SLC15A2: variants seen among roughly 807,000 people sequenced by gnomAD.
SLC15A2 encodes solute carrier family 15 member 2, also known as kidney H(+)/peptide cotransporter.
SLC15A2 carries 77 observed loss-of-function variants against 95.5 expected under a neutral mutation model. That is an observed-to-expected ratio of 0.81 (90% CI 0.67 to 0.97). SLC15A2 has a LOEUF of 0.97. Among genes scored for constraint, SLC15A2 ranks in the 50% least tolerant of loss-of-function variants. The pLI, the probability that SLC15A2 is intolerant of heterozygous loss-of-function variation, is 0.00. For missense variants in SLC15A2, 893 were observed against 874.4 expected (o/e 1.02, Z -0.27); for synonymous variants, 306 against 306.9 (o/e 1.00, Z 0.03).
intron 12 of SLC15A2, 131 bp downstream of exon 12, chr3:121,924,514 T>A: frequency 1.2e-6 from 1 of 853,842 alleles, no homozygotes; most frequent in South Asian, 1.5e-5. Flanking sequence ...AGCTTCGACA[T>A]GAAAACATTC....
At chr3:121,931,849 A>G (rs966735971) in intron 19 of SLC15A2, 114 bp downstream of exon 19, 1 of 629,200 alleles carries the variant, frequency 1.6e-6, no homozygotes, top group Admixed American at 2.8e-5. Context: ...GCAGACACGT[A>G]TATTTATTTC....
chr3:121,920,140 T>C (rs1363851436), intron 7 of SLC15A2, among the ~76,000 whole-genome samples: 2 of 152,358 alleles, frequency 1.3e-5, no homozygotes, highest in East Asian at 3.9e-4. Flanking sequence ...ATGACTTTAG[T>C]TGATTACATA....
At chr3:121,930,152 A>C (rs1298263230) in intron 17 of SLC15A2, among the ~76,000 whole-genome samples, 1 of 152,244 alleles carries the variant, frequency 6.6e-6, no homozygotes, top group African/African-American at 2.4e-5. Context: ...CTAGGAATCA[A>C]CATTCAGGAC....
intron 19 of SLC15A2, 73 bp downstream of exon 19, chr3:121,931,808 C>G (rs191899710): frequency 1.7e-5 from 15 of 869,988 alleles, no homozygotes; most frequent in Admixed American, 1.0e-4. Context: ...TAGGCAGGGG[C>G]AGAAAACAAA....
chr3:121,897,730 A>G (rs1244377350), intron 3 of SLC15A2, among the ~76,000 whole-genome samples: 5 of 152,170 alleles, frequency 3.3e-5, no homozygotes, highest in Admixed American at 2.0e-4. Flanking sequence ...TTCATTATCA[A>G]TTTTTCCAAT....
At chr3:121,939,807 G>A (rs1351027871) in intron 20 of SLC15A2, among the ~76,000 whole-genome samples, 2 of 151,982 alleles carry the variant, frequency 1.3e-5, no homozygotes, top group Non-Finnish European at 2.9e-5. Context: ...TACTATCTCT[G>A]TAATGCTGTC....
At chr3:121,929,200 G>C in intron 16 of SLC15A2, 54 bp downstream of exon 16, 6 of 1,601,688 alleles carry the variant, frequency 3.7e-6, no homozygotes, top group Non-Finnish European at 5.1e-6. Context: ...TAATATGACT[G>C]TCTCATCAAC....
intron 3 of SLC15A2, among the ~76,000 whole-genome samples, chr3:121,903,086 G>A (rs1434031266): frequency 1.3e-5 from 2 of 152,200 alleles, no homozygotes; most frequent in African/African-American, 4.8e-5. Context: ...GTTTTGATTT[G>A]CATTTCTTTG....
chr3:121,910,829 G>T (rs1002031070), intron 3 of SLC15A2, among the ~76,000 whole-genome samples: 2 of 152,144 alleles, frequency 1.3e-5, no homozygotes, highest in Non-Finnish European at 2.9e-5. Flanking sequence ...GTTCTTACTG[G>T]AGTTCCTTAT....
At chr3:121,904,305 T>G (rs1239954603) in intron 3 of SLC15A2, among the ~76,000 whole-genome samples, 2 of 152,062 alleles carry the variant, frequency 1.3e-5, no homozygotes, top group East Asian at 3.9e-4. Flanking sequence ...AACAGGGACA[T>G]TTTGACTTCC....
intron 4 of SLC15A2, 149 bp downstream of exon 4, chr3:121,911,815 A>G: frequency 1.6e-6 from 1 of 627,390 alleles, no homozygotes; most frequent in South Asian, 1.9e-5. Context: ...GACCAGTTGA[A>G]CTCTTTCCTA....
chr3:121,911,609 G>A lies in SLC15A2; in HGVS notation c.371G>A (p.Gly124Asp). Reference protein sequence around the residue: ...IIYLSLVYVLGHVIKSLGALP... With the variant: ...IIYLSLVYVLDHVIKSLGALP... ...TATCTCTCCTTGGTGTATGTGCTTGGCCATGTGATCAAGTCCTTGGGTGCC... is the reference window on the plus strand; with the variant it reads ...TATCTCTCCTTGGTGTATGTGCTTGACCATGTGATCAAGTCCTTGGGTGCC... Residue 124 changes from glycine to aspartate, a missense_variant, in exon 4 of 22, where the codon GGC becomes GAC. Transcript: ENST00000489711. 1 of 1,614,050 alleles carries A rather than the reference G, an allele frequency of 6.2e-7. No individual in the cohort carries two copies. Among genetic ancestry groups the A allele is most frequent in the Non-Finnish European group, 8.5e-7 (1 of 1,179,936 alleles).
intron 5 of SLC15A2, 164 bp from the exon 6 acceptor site, chr3:121,915,063 C>A: frequency 8.3e-7 from 1 of 1,210,590 alleles, no homozygotes; most frequent in Non-Finnish European, 1.1e-6. Flanking sequence ...TTGGGGTCAG[C>A]CAGCAATGTT....
At chr3:121,913,223 G>T (rs1007522825) in intron 5 of SLC15A2, 103 bp downstream of exon 5, 5 of 808,226 alleles carry the variant, frequency 6.2e-6, no homozygotes, top group Non-Finnish European at 1.0e-5. Context: ...GTACTGGTCA[G>T]ATCTTATCTG....
intron 17 of SLC15A2, among the ~76,000 whole-genome samples, chr3:121,929,559 G>T (rs182285156): frequency 3.3e-5 from 5 of 152,180 alleles, no homozygotes; most frequent in Non-Finnish European, 5.9e-5. Flanking sequence ...ATCTGTGTAT[G>T]CCCCCTGTAC....
At chr3:121,928,238 A>G in intron 14 of SLC15A2, 183 bp from the exon 15 acceptor site, 1 of 654,028 alleles carries the variant, frequency 1.5e-6, no homozygotes, top group African/African-American at 1.8e-5. Flanking sequence ...ACTTGCTACA[A>G]TGAGCTGATG....
chr3:121,925,182 G>T (rs2250065), intron 13 of SLC15A2, 149 bp downstream of exon 13: 280,104 of 640,738 alleles, frequency 0.44, 64,918 homozygotes, highest in East Asian at 0.72. Flanking sequence ...TAGACTAACT[G>T]CCTATTGACC....
chr3:121,926,986 T>C (rs1005612385), intron 13 of SLC15A2, among the ~76,000 whole-genome samples: 1 of 152,246 alleles, frequency 6.6e-6, no homozygotes, highest in African/African-American at 2.4e-5. Context: ...CTGTAGCCCA[T>C]TTGTTTTGGC....
chr3:121,927,131 A>G (rs1710137460), intron 13 of SLC15A2, among the ~76,000 whole-genome samples: 1 of 152,122 alleles, frequency 6.6e-6, no homozygotes, highest in Non-Finnish European at 1.5e-5. Flanking sequence ...GAGACTTTGG[A>G]CTTGGAACTT....
Sources: gnomAD v4.1 joint callset for allele counts (sites outside exome capture counted in the v4.1 genomes callset) on GRCh38, gnomAD v4.1.1 for gene constraint, MANE v1.5 for transcripts, NCBI Gene and HGNC (gene_info 2026-07-23, HGNC 2026-07-21) for gene names.